NPAS3: variants seen among roughly 807,000 people sequenced by gnomAD.
NPAS3 encodes the protein neuronal PAS domain protein 3, also known as neuronal PAS domain-containing protein 3.
A neutral mutation model predicts 73.1 loss-of-function variants in NPAS3; 14 were observed. The observed-to-expected ratio is 0.19, with a 90% confidence interval of 0.13 to 0.30. The LOEUF is 0.30. Among genes scored for constraint, NPAS3 ranks in the 10% least tolerant of loss-of-function variants. The probability of loss-of-function intolerance (pLI) is 1.00; values close to 1 mark genes in which losing one functional copy is unlikely to be tolerated. For missense variants in NPAS3, 1,096 were observed against 1,250.0 expected (o/e 0.88, Z 1.86); for synonymous variants, 620 against 541.5 (o/e 1.14, Z -2.01).
chr14:32,945,412 A>G (rs540282866), intron 1 of NPAS3, among the ~76,000 whole-genome samples: 5 of 152,334 alleles, frequency 3.3e-5, no homozygotes, highest in South Asian at 4.1e-4. Flanking sequence ...TTCAGACACT[A>G]TATTACATGC....
At chr14:33,265,984 A>G (rs1180541641) in intron 3 of NPAS3, among the ~76,000 whole-genome samples, 1 of 151,000 alleles carries the variant, frequency 6.6e-6, no homozygotes. Context: ...TTATTTATAT[A>G]CTTAAATATG....
In NPAS3 at chr14:33,459,959, C is replaced by T. The variant is rs976525940; in HGVS notation, c.468+92691C>T. Among the ~76,000 whole-genome samples the T allele has an allele frequency of 7.8e-4, 118 of 152,166 alleles. 1 individual carries two copies. Among genetic ancestry groups the T allele is most frequent in the African/African-American group, 2.8e-3 (116 of 41,428 alleles). ...CTAGTGCCCAGCATGGTGCTTGGCA[C>T]ACAGTAGTTATTCAATAATTATATG... On this transcript the variant is annotated intron_variant, in intron 4 of 11. Transcript: ENST00000356141.
At chr14:33,436,220 C>T (rs902490132) in intron 4 of NPAS3, among the ~76,000 whole-genome samples, 1 of 152,118 alleles carries the variant, frequency 6.6e-6, no homozygotes, top group African/African-American at 2.4e-5. Context: ...ACCGTCATGC[C>T]AGCAAGTCCT....
chr14:33,717,039 G>T (rs2060975300), intron 6 of NPAS3, among the ~76,000 whole-genome samples: 1 of 152,092 alleles, frequency 6.6e-6, no homozygotes. Flanking sequence ...TAAAGGGCTA[G>T]CTCCTAAAAT....
At chr14:33,626,920 A>G (rs2058237318) in intron 5 of NPAS3, among the ~76,000 whole-genome samples, 1 of 152,162 alleles carries the variant, frequency 6.6e-6, no homozygotes. Context: ...ATGTTTGTTA[A>G]GGGTACTATA....
At chr14:33,695,948 T>C (rs1292188003) in intron 6 of NPAS3, among the ~76,000 whole-genome samples, 1 of 152,184 alleles carries the variant, frequency 6.6e-6, no homozygotes, top group Non-Finnish European at 1.5e-5. Flanking sequence ...AAAAATGACT[T>C]TCATTATCTT....
chr14:33,719,341 C>A (rs975973536), intron 6 of NPAS3, among the ~76,000 whole-genome samples: 2 of 152,064 alleles, frequency 1.3e-5, no homozygotes, highest in Non-Finnish European at 2.9e-5. Flanking sequence ...ACCCAGTAAG[C>A]CTAAAAACAG....
intron 3 of NPAS3, among the ~76,000 whole-genome samples, chr14:33,339,610 A>G (rs1427989955): frequency 6.6e-6 from 1 of 152,204 alleles, no homozygotes; most frequent in Non-Finnish European, 1.5e-5. Flanking sequence ...ACCTTGTAAA[A>G]TTAGTTCTTA....
intron 2 of NPAS3, among the ~76,000 whole-genome samples, chr14:33,160,870 A>G (rs2044852790): frequency 6.6e-6 from 1 of 152,158 alleles, no homozygotes; most frequent in African/African-American, 2.4e-5. Context: ...TTCATTTCCA[A>G]ATGAAAAACT....
At chr14:33,365,976 C>CTTGAGAGAG (rs2045822524) in intron 3 of NPAS3, among the ~76,000 whole-genome samples, 1 of 152,000 alleles carries the variant, frequency 6.6e-6, no homozygotes, top group African/African-American at 2.4e-5. Context: ...AGTAGCTGGG[C>CTTGAGAGAG]TTGAGAGAGC....
chr14:33,417,578 ATTTTGAGGAAT>A (rs2048198452), intron 4 of NPAS3, among the ~76,000 whole-genome samples: 1 of 152,042 alleles, frequency 6.6e-6, no homozygotes, highest in Admixed American at 6.6e-5. Flanking sequence ...CTTTTCAATT[ATTTTGAGGAAT>A]AAATGCACCA....
chr14:33,600,126 A>G (rs538691353), intron 5 of NPAS3, among the ~76,000 whole-genome samples: 1 of 152,306 alleles, frequency 6.6e-6, no homozygotes, highest in Non-Finnish European at 1.5e-5. Context: ...CTTTTGTGTG[A>G]TTAAAAGCTC....
intron 3 of NPAS3, among the ~76,000 whole-genome samples, chr14:33,342,903 A>AT (rs2044552316): frequency 6.6e-6 from 1 of 151,734 alleles, no homozygotes; most frequent in African/African-American, 2.4e-5. Context: ...ACCCTCTCCC[A>AT]TTTTTTAGCC....
chr14:33,426,572 A>G (rs1167368520), intron 4 of NPAS3, among the ~76,000 whole-genome samples: 1 of 151,968 alleles, frequency 6.6e-6, no homozygotes. Flanking sequence ...GAAGAGTGTA[A>G]CAGAATATCA....
chr14:33,197,106 C>T (rs943759745), intron 2 of NPAS3, among the ~76,000 whole-genome samples: 1 of 152,156 alleles, frequency 6.6e-6, no homozygotes, highest in Admixed American at 6.5e-5. Flanking sequence ...ATGGATTTTA[C>T]AATGTCATCA....
rs2063656209 is a variant in NPAS3, at chr14:33,800,254, G to A, written c.1947G>A (p.Lys649=). Residue 649 remains lysine, a synonymous_variant, in exon 12 of 12, where the codon AAG becomes AAA. Transcript: ENST00000356141. The surrounding 1 kb of genome is among the most constrained non-coding windows in gnomAD (Gnocchi z 6.5). ...ACAGTGCCTCGGTGCTCAAGATCAA[G>A]ACGGAGATCTCAGAACCCATCAATT... is the stretch of plus-strand genomic sequence containing the variant. 1 of 1,613,350 alleles carries A rather than the reference G, an allele frequency of 6.2e-7. No individual in the cohort carries two copies. Among genetic ancestry groups the A allele is most frequent in the Non-Finnish European group, 8.5e-7 (1 of 1,179,672 alleles).
At chr14:33,671,558 G>A (rs2059610607) in intron 5 of NPAS3, among the ~76,000 whole-genome samples, 1 of 152,132 alleles carries the variant, frequency 6.6e-6, no homozygotes, top group Non-Finnish European at 1.5e-5. Flanking sequence ...GGTAACATTG[G>A]GCAGGGAAAG....
intron 2 of NPAS3, among the ~76,000 whole-genome samples, chr14:33,114,722 A>G (rs56305068): frequency 0.3 from 45,892 of 152,020 alleles, 7,708 homozygotes; most frequent in Admixed American, 0.47. Flanking sequence ...AACTCTACTT[A>G]TTGACGAGAT....
chr14:33,222,824 A>G (rs1383287730), intron 3 of NPAS3, among the ~76,000 whole-genome samples: 1 of 152,180 alleles, frequency 6.6e-6, no homozygotes, highest in Non-Finnish European at 1.5e-5. Context: ...AACTAGGGAG[A>G]TGCAAAAGAA....
Sources: gnomAD v4.1 joint callset for allele counts (sites outside exome capture counted in the v4.1 genomes callset) on GRCh38, gnomAD v4.1.1 for gene constraint, Gnocchi (gnomAD v3.1) non-coding constraint, MANE v1.5 for transcripts, NCBI Gene and HGNC (gene_info 2026-07-23, HGNC 2026-07-21) for gene names.